The following RNGTT variants were observed in gnomAD, a reference collection of about 807,000 sequenced individuals.
The protein encoded by RNGTT is mRNA-capping enzyme.
RNGTT carries 33 observed loss-of-function variants against 79.3 expected under a neutral mutation model. The observed-to-expected ratio is 0.42, with a 90% CI of 0.32 to 0.56. RNGTT has a LOEUF of 0.56. Ranked by LOEUF, RNGTT falls within the 20% of genes least tolerant of loss-of-function variation. RNGTT has a pLI of 0.17. For synonymous variants in RNGTT, 222 were observed against 235.9 expected (o/e 0.94, Z 0.54); for missense variants, 497 against 739.1 (o/e 0.67, Z 3.80).
At chr6:88,714,694 G>A (rs1349629498) in intron 13 of RNGTT, among the ~76,000 whole-genome samples, 1 of 89,756 alleles carries the variant, frequency 1.1e-5, no homozygotes, top group East Asian at 2.3e-4. Context: ...CGCCCGCCTC[G>A]GCCTCCCAAA....
At chr6:88,715,496 C>T (rs528977120) in intron 13 of RNGTT, among the ~76,000 whole-genome samples, 2 of 152,210 alleles carry the variant, frequency 1.3e-5, no homozygotes, top group East Asian at 3.9e-4. Flanking sequence ...AAAAAAGAGC[C>T]CGCATTGCCA....
intron 14 of RNGTT, among the ~76,000 whole-genome samples, chr6:88,668,839 G>T (rs1774517748): frequency 6.6e-6 from 1 of 152,110 alleles, no homozygotes; most frequent in African/African-American, 2.4e-5. Flanking sequence ...ACAAGCTAGG[G>T]ATGGGATGTG....
At chr6:88,784,279 T>G (rs1330486836) in intron 12 of RNGTT, among the ~76,000 whole-genome samples, 1 of 152,104 alleles carries the variant, frequency 6.6e-6, no homozygotes, top group African/African-American at 2.4e-5. Context: ...AAAATATCAC[T>G]GTGAATGAGA....
At chr6:88,613,471 G>A (rs2127844769) in intron 15 of RNGTT, among the ~76,000 whole-genome samples, 1 of 152,274 alleles carries the variant, frequency 6.6e-6, no homozygotes, top group African/African-American at 2.4e-5. Flanking sequence ...CATCTTGTCT[G>A]AACATGGATG....
chr6:88,727,609 A>T (rs1216172024), intron 13 of RNGTT, among the ~76,000 whole-genome samples: 1 of 152,252 alleles, frequency 6.6e-6, no homozygotes, highest in African/African-American at 2.4e-5. Context: ...TTTAACATTA[A>T]TAACACACTA....
chr6:88,671,825 G>A (rs1774652026), intron 14 of RNGTT, among the ~76,000 whole-genome samples: 1 of 152,086 alleles, frequency 6.6e-6, no homozygotes, highest in Non-Finnish European at 1.5e-5. Flanking sequence ...ACTGATCTTT[G>A]ACAAAACAAA....
At chr6:88,753,981 C>T (rs981708500) in intron 13 of RNGTT, among the ~76,000 whole-genome samples, 3 of 152,076 alleles carry the variant, frequency 2.0e-5, no homozygotes, top group African/African-American at 7.2e-5. Flanking sequence ...TTATTCTGCC[C>T]ATCTCCTCCC....
intron 1 of RNGTT, among the ~76,000 whole-genome samples, chr6:88,955,703 T>TAACA (rs760303276): frequency 1.3e-5 from 2 of 151,604 alleles, no homozygotes; most frequent in Non-Finnish European, 2.9e-5. Context: ...AACTAAACTG[T>TAACA]AACAAACAAA....
At chr6:88,730,724 ACT>A (rs778512213) in intron 13 of RNGTT, among the ~76,000 whole-genome samples, 1 of 152,082 alleles carries the variant, frequency 6.6e-6, no homozygotes, top group Non-Finnish European at 1.5e-5. Flanking sequence ...CATCTAGGAC[ACT>A]CTATAATGTT....
intron 4 of RNGTT, among the ~76,000 whole-genome samples, chr6:88,914,232 C>T (rs1020709354): frequency 6.6e-6 from 1 of 151,976 alleles, no homozygotes; most frequent in African/African-American, 2.4e-5. Context: ...CAGATTCAAC[C>T]CCATTCCTGT....
At chr6:88,882,661 C>T (rs138631456) in intron 8 of RNGTT, among the ~76,000 whole-genome samples, 208 of 152,270 alleles carry the variant, frequency 1.4e-3, no homozygotes, top group African/African-American at 4.6e-3. Context: ...GAGATGGAAC[C>T]TTTAGGAGGT....
At chr6:88,934,229 G>A (rs747463738) in intron 2 of RNGTT, among the ~76,000 whole-genome samples, 54 of 152,092 alleles carry the variant, frequency 3.6e-4, no homozygotes, top group South Asian at 1.7e-3. Context: ...ATGGTGTCTC[G>A]TTATGTTATC....
chr6:88,858,212 C>T (rs1781899912), intron 8 of RNGTT, among the ~76,000 whole-genome samples: 1 of 152,074 alleles, frequency 6.6e-6, no homozygotes, highest in Non-Finnish European at 1.5e-5. Context: ...CTTATTATGG[C>T]TTTTCTCTTA....
chr6:88,832,352 A>G (rs1780899911), intron 11 of RNGTT, among the ~76,000 whole-genome samples: 2 of 152,218 alleles, frequency 1.3e-5, no homozygotes, highest in African/African-American at 4.8e-5. Flanking sequence ...AGGATTCCCT[A>G]TTTAACAAAT....
intron 12 of RNGTT, among the ~76,000 whole-genome samples, chr6:88,777,687 G>A (rs1260384033): frequency 6.6e-6 from 1 of 152,068 alleles, no homozygotes; most frequent in African/African-American, 2.4e-5. Flanking sequence ...GAATTAACAG[G>A]TTTTTTTGAT....
chr6:88,656,779 TA>T (rs202061261), intron 14 of RNGTT, among the ~76,000 whole-genome samples: 5,809 of 135,556 alleles, frequency 0.043, 127 homozygotes, highest in African/African-American at 0.081. Flanking sequence ...GTTAAGAGAT[TA>T]AAAAAAAAAA....
At chr6:88,647,092 C>G (rs113992858) in intron 14 of RNGTT, among the ~76,000 whole-genome samples, 1 of 151,768 alleles carries the variant, frequency 6.6e-6, no homozygotes, top group East Asian at 1.9e-4. Flanking sequence ...CCATTGAGGC[C>G]GGGGACCATC....
chr6:88,936,371 TTTTA>T (rs148833583), intron 2 of RNGTT, among the ~76,000 whole-genome samples: 2,913 of 152,294 alleles, frequency 0.019, 82 homozygotes, highest in African/African-American at 0.066. Context: ...TTTGGGTGCC[TTTTA>T]TTTCTTTCTC....
At chr6:88,651,852 A>T (rs1211547036) in intron 14 of RNGTT, among the ~76,000 whole-genome samples, 1 of 152,136 alleles carries the variant, frequency 6.6e-6, no homozygotes, top group African/African-American at 2.4e-5. Flanking sequence ...AAATCTATTA[A>T]GAAGAAATTA....
Sources: allele counts gnomAD v4.1 joint callset (sites outside exome capture counted in the v4.1 genomes callset), GRCh38; gene constraint gnomAD v4.1.1; transcripts MANE v1.5; gene names NCBI Gene and HGNC (gene_info 2026-07-23, HGNC 2026-07-21).